The following NFIA variants were observed in gnomAD, a reference collection of about 807,000 sequenced individuals.
NFIA encodes the protein nuclear factor 1 A-type.
A neutral mutation model predicts 62.8 loss-of-function variants in NFIA; 8 were observed. That is an observed-to-expected ratio of 0.13 (90% confidence interval 0.07 to 0.23). The LOEUF (loss-of-function observed/expected upper bound fraction) is 0.23. Ranked by LOEUF, NFIA falls within the 10% of genes least tolerant of loss-of-function variation. The probability of loss-of-function intolerance (pLI) is 1.00; values close to 1 mark genes in which losing one functional copy is unlikely to be tolerated. For synonymous variants in NFIA, 235 were observed against 238.1 expected, an observed-to-expected ratio of 0.99 and a Z score of 0.12; for missense variants, 410 against 642.1, an observed-to-expected ratio of 0.64 and a Z score of 3.91.
rs1646133228 is a variant in NFIA at position 61,082,693 on chromosome 1, TCTCTTCCTCTCTCC to T, written c.-93_-80del. On this transcript the variant is annotated 5_prime_UTR_variant, in exon 1 of 11. Coordinates refer to ENST00000403491, the MANE Select transcript of NFIA (RefSeq NM_001134673.4). Reference sequence around the variant, plus strand: ...CCCCTTCTCTCTCTCTCTCTCTCTCTCTCTTCCTCTCTCCCTCTTTCTCCTCTCTCACCCACACT... The same window carrying T: ...CCCCTTCTCTCTCTCTCTCTCTCTCTCTCTTTCTCCTCTCTCACCCACACT... The T allele has an allele frequency of 4.5e-6, 7 of 1,542,180 alleles. No individual in the cohort carries two copies. The highest frequency in any genetic ancestry group is 6.1e-6 in the Non-Finnish European group (7 of 1,141,864).
intron 7 of NFIA, among the ~76,000 whole-genome samples, chr1:61,403,325 A>C (rs1421634446): frequency 4.6e-5 from 7 of 152,308 alleles, no homozygotes; most frequent in Non-Finnish European, 2.9e-5. Context: ...TAGGCACCTC[A>C]CATAAGTTTT....
In NFIA at chr1:61,204,666, C is replaced by A. The variant is rs138322679; in HGVS notation, c.560-72854C>A. Among the ~76,000 whole-genome samples, 9 of 151,916 alleles carry A rather than the reference C, an allele frequency of 5.9e-5. No homozygotes were observed. In the East Asian group the frequency reaches 7.8e-4, roughly 13 times the overall value. On this transcript the variant is annotated intron_variant, in intron 2 of 10. Transcript: ENST00000403491. ...ATGTCTGCCTTAGTCCACCTTCTGCCCCCCCCACCCTTGGGTTGATGTGGT... is the reference window on the plus strand; with the variant it reads ...ATGTCTGCCTTAGTCCACCTTCTGCACCCCCCACCCTTGGGTTGATGTGGT...
At chr1:61,089,787 G>C (rs777346584) in intron 2 of NFIA, among the ~76,000 whole-genome samples, 3 of 145,104 alleles carry the variant, frequency 2.1e-5, no homozygotes, top group Non-Finnish European at 3.0e-5. Context: ...AAATGTTAGT[G>C]AGTTTTTAAA....
intron 2 of NFIA, among the ~76,000 whole-genome samples, chr1:61,188,060 T>G (rs1224263882): frequency 6.6e-6 from 1 of 152,078 alleles, no homozygotes; most frequent in Non-Finnish European, 1.5e-5. Context: ...TTTGTTTGTT[T>G]TTGTTGAGAC....
At chr1:61,178,125 A>T (rs1423343401) in intron 2 of NFIA, among the ~76,000 whole-genome samples, 1 of 152,146 alleles carries the variant, frequency 6.6e-6, no homozygotes, top group African/African-American at 2.4e-5. Context: ...CACTTTGAAA[A>T]TTTGCCAAGG....
intron 2 of NFIA, among the ~76,000 whole-genome samples, chr1:61,214,186 A>G (rs1315259651): frequency 1.3e-5 from 2 of 152,198 alleles, no homozygotes; most frequent in African/African-American, 4.8e-5. Context: ...GATTGTATCA[A>G]GGAGAGCGGG....
chr1:61,127,324 G>A lies in NFIA; in HGVS notation c.559+38644G>A, dbSNP rs1646993476. The stretch of plus-strand genomic sequence containing the variant: ...TACAAAAAATTAGCCGGGCATGGTG[G>A]CGCACACCCATAGCCCCAGCTACTT... On this transcript the variant is annotated intron_variant, in intron 2 of 10. Transcript: ENST00000403491. Among the ~76,000 whole-genome samples, 2 of 151,666 alleles carry A rather than the reference G, an allele frequency of 1.3e-5. 1 individual carries two copies. Among genetic ancestry groups the A allele is most frequent in the South Asian group, 4.1e-4 (2 of 4,820 alleles).
chr1:61,256,097 G>A (rs149665884), intron 2 of NFIA, among the ~76,000 whole-genome samples: 121 of 152,176 alleles, frequency 8.0e-4, no homozygotes, highest in Middle Eastern at 6.8e-3. Context: ...TAACATTAAC[G>A]ATAGCTGATG....
intron 3 of NFIA, among the ~76,000 whole-genome samples, chr1:61,326,399 GTTTTAGTTAA>G (rs1660936543): frequency 6.6e-6 from 1 of 152,162 alleles, no homozygotes; most frequent in Non-Finnish European, 1.5e-5. Context: ...GACTGACTCA[GTTTTAGTTAA>G]ACTATATTGC....
intron 3 of NFIA, among the ~76,000 whole-genome samples, chr1:61,294,167 TCTC>T (rs1659057639): frequency 1.3e-5 from 2 of 152,204 alleles, no homozygotes; most frequent in African/African-American, 4.8e-5. Flanking sequence ...ACTTGACTCT[TCTC>T]ATCTCCAATT....
intron 3 of NFIA, among the ~76,000 whole-genome samples, chr1:61,300,751 T>C (rs1396225903): frequency 6.6e-6 from 1 of 152,076 alleles, no homozygotes; most frequent in Non-Finnish European, 1.5e-5. Context: ...AAGCTCGATA[T>C]GTATGTATGT....
intron 2 of NFIA, among the ~76,000 whole-genome samples, chr1:61,183,807 T>C (rs1011189219): frequency 2.0e-5 from 3 of 152,108 alleles, no homozygotes; most frequent in African/African-American, 7.2e-5. Flanking sequence ...GTCCTTTTTT[T>C]CCCCTTCCCT....
intron 10 of NFIA, among the ~76,000 whole-genome samples, chr1:61,434,265 T>C (rs1217518911): frequency 1.3e-5 from 2 of 152,142 alleles, no homozygotes; most frequent in East Asian, 3.9e-4. Flanking sequence ...TTTTCTCGTA[T>C]GTTCTCAGCT....
At position 61,257,199 on chromosome 1, in the gene NFIA, A is replaced by G. The variant is rs1656453572; in HGVS notation, c.560-20321A>G. Among the ~76,000 whole-genome samples, 8 of 152,216 alleles carry G rather than the reference A, an allele frequency of 5.3e-5. No individual in the cohort carries two copies. The South Asian group carries it at 1.5e-3, about 28-fold the overall frequency. On this transcript the variant is annotated intron_variant, in intron 2 of 10. Transcript: ENST00000403491. The stretch of plus-strand genomic sequence containing the variant: ...ATTGAGGCAAGAATAGGTTGTGGGA[A>G]TGTGAGAGAAGTGTGTCTGTGCTGT...
At chr1:61,218,500 A>G (rs1448077937) in intron 2 of NFIA, among the ~76,000 whole-genome samples, 1 of 152,246 alleles carries the variant, frequency 6.6e-6, no homozygotes, top group Non-Finnish European at 1.5e-5. Flanking sequence ...CATGGATTCA[A>G]TCAACCACGA....
intron 3 of NFIA, among the ~76,000 whole-genome samples, chr1:61,297,740 G>A (rs1335696029): frequency 2.6e-5 from 4 of 152,266 alleles, no homozygotes; most frequent in Non-Finnish European, 4.4e-5. Context: ...ACAATGCAGG[G>A]TAAATATGCT....
chr1:61,440,082 A>G (rs1667507817), intron 10 of NFIA, among the ~76,000 whole-genome samples: 1 of 152,224 alleles, frequency 6.6e-6, no homozygotes, highest in African/African-American at 2.4e-5. Flanking sequence ...ATTCCTGCCA[A>G]CTGGAGTCAA....
chr1:61,173,404 T>C (rs1650101971), intron 2 of NFIA, among the ~76,000 whole-genome samples: 1 of 152,188 alleles, frequency 6.6e-6, no homozygotes, highest in South Asian at 2.1e-4. Flanking sequence ...TTTTCTTTTC[T>C]TTTTTGACAG....
At position 61,195,182 on chromosome 1, in the gene NFIA, G is replaced by A. The variant is rs538061697; in HGVS notation, c.560-82338G>A. 1.4e-4 allele frequency among the ~76,000 whole-genome samples: 22 copies of A among 152,220 alleles called. 1 individual carries two copies. The South Asian group carries it at 4.1e-3, about 29-fold the overall frequency. On this transcript the variant is annotated intron_variant, in intron 2 of 10. Transcript: ENST00000403491. ...ATGAACAGTTGCAGGGATTCTTGGT[G>A]TACATTTGTAAGTTTTCCTTTCCTG...
Sources: gnomAD v4.1 joint callset for allele counts (sites outside exome capture counted in the v4.1 genomes callset) on GRCh38, gnomAD v4.1.1 for gene constraint, MANE v1.5 for transcripts, NCBI Gene and HGNC (gene_info 2026-07-23, HGNC 2026-07-21) for gene names.